ARHGAP32: variants seen among roughly 807,000 people sequenced by gnomAD.
ARHGAP32 encodes the protein rho GTPase-activating protein 32.
Under a neutral mutation model 186.5 loss-of-function variants are expected in ARHGAP32, and 51 were observed. That is an observed-to-expected ratio of 0.27 (90% CI 0.22 to 0.35). The LOEUF is 0.35. Among genes scored for constraint, ARHGAP32 ranks in the 10% least tolerant of loss-of-function variants. The pLI, the probability that ARHGAP32 is intolerant of heterozygous loss-of-function variation, is 1.00. For synonymous variants in ARHGAP32, 950 were observed against 964.3 expected, an observed-to-expected ratio of 0.99 and a Z score of 0.27; for missense variants, 2,186 against 2,623.5, an observed-to-expected ratio of 0.83 and a Z score of 3.64.
chr11:128,973,746 C>G, intron 21 of ARHGAP32: 1 of 527,040 alleles, frequency 1.9e-6, no homozygotes. Context: ...TGCTTGTAGA[C>G]TGTTATTATG....
chr11:128,999,870 A>G (rs1171090150), intron 11 of ARHGAP32, among the ~76,000 whole-genome samples: 1 of 152,232 alleles, frequency 6.6e-6, no homozygotes, highest in Non-Finnish European at 1.5e-5. Context: ...TTACAGGATT[A>G]TAAGAGGAAC....
chr11:129,238,270 T>C (rs1165764116), intron 1 of ARHGAP32, among the ~76,000 whole-genome samples: 1 of 152,170 alleles, frequency 6.6e-6, no homozygotes, highest in African/African-American at 2.4e-5. Flanking sequence ...CTTCTAACTC[T>C]TATACCCTCC....
intron 2 of ARHGAP32, among the ~76,000 whole-genome samples, chr11:129,132,403 C>A (rs997177147): frequency 6.6e-6 from 1 of 151,746 alleles, no homozygotes; most frequent in Non-Finnish European, 1.5e-5. Context: ...TTGCTTGAGC[C>A]TAAGGTTAAG....
At chr11:129,242,698 A>G (rs566227123) in intron 1 of ARHGAP32, among the ~76,000 whole-genome samples, 33 of 151,510 alleles carry the variant, frequency 2.2e-4, no homozygotes, top group South Asian at 8.3e-4. Flanking sequence ...AGCCTGGGTG[A>G]CAGAGCGAGA....
At chr11:129,134,129 C>T (rs1942882759) in intron 2 of ARHGAP32, among the ~76,000 whole-genome samples, 1 of 151,338 alleles carries the variant, frequency 6.6e-6, no homozygotes, top group Admixed American at 6.6e-5. Context: ...ACAGATCATC[C>T]CAAGACTGTA....
chr11:129,224,985 C>T (rs1274565256), intron 1 of ARHGAP32, among the ~76,000 whole-genome samples: 2 of 151,912 alleles, frequency 1.3e-5, no homozygotes, highest in African/African-American at 4.8e-5. Flanking sequence ...ATGGTGCATA[C>T]GTGTAGTCCC....
intron 1 of ARHGAP32, among the ~76,000 whole-genome samples, chr11:129,211,923 G>T (rs1374442176): frequency 6.6e-6 from 1 of 152,180 alleles, no homozygotes; most frequent in Non-Finnish European, 1.5e-5. Flanking sequence ...GGGAGGATGA[G>T]GTGGGAAGAT....
At chr11:128,998,553 C>G (rs1388927377) in intron 11 of ARHGAP32, 85 bp from the exon 12 acceptor site, 7 of 1,000,362 alleles carry the variant, frequency 7.0e-6, no homozygotes, top group East Asian at 2.7e-5. Context: ...TCTCAAGAGG[C>G]TGACAGCAAA....
intron 2 of ARHGAP32, among the ~76,000 whole-genome samples, chr11:129,160,601 G>T (rs1943509071): frequency 6.6e-6 from 1 of 151,914 alleles, no homozygotes; most frequent in African/African-American, 2.4e-5. Context: ...TACTTACAAG[G>T]GATATGAAGG....
intron 1 of ARHGAP32, among the ~76,000 whole-genome samples, chr11:129,208,431 G>C (rs10893993): frequency 0.19 from 29,589 of 152,008 alleles, 3,071 homozygotes; most frequent in Non-Finnish European, 0.23. Context: ...AGGAGAACTA[G>C]ATCTCCTCCC....
chr11:129,239,428 A>C (rs1431262473), intron 1 of ARHGAP32, among the ~76,000 whole-genome samples: 1 of 152,114 alleles, frequency 6.6e-6, no homozygotes, highest in Non-Finnish European at 1.5e-5. Flanking sequence ...AGATGACCAA[A>C]ATTACCCAGA....
In ARHGAP32 at chr11:128,968,392, T is replaced by G. The variant is rs1006363229; in HGVS notation, c.*515A>C. On this transcript the variant is annotated 3_prime_UTR_variant, in exon 23 of 23. Coordinates refer to ENST00000682385, the MANE Select transcript of ARHGAP32 (RefSeq NM_001378024.1). ...TCAGGGATTTTTCCACGACTCTAAC[T>G]GAACACAAGATCCTTCTCAGACGGG... 1 of 152,258 alleles carries G rather than the reference T, an allele frequency of 6.6e-6. No individual in the cohort carries two copies. The highest frequency in any genetic ancestry group is 6.5e-5 in the Admixed American group (1 of 15,290). 9.4% of individuals were successfully genotyped at this position (152,258 alleles called of 1,614,324 possible).
intron 10 of ARHGAP32, among the ~76,000 whole-genome samples, chr11:129,042,040 G>A (rs1227086733): frequency 1.3e-5 from 2 of 152,158 alleles, no homozygotes; most frequent in African/African-American, 4.8e-5. Context: ...ATACTCATTT[G>A]CTACATTCTT....
intron 2 of ARHGAP32, among the ~76,000 whole-genome samples, chr11:129,133,888 T>C (rs1049002372): frequency 6.6e-6 from 1 of 152,200 alleles, no homozygotes; most frequent in East Asian, 1.9e-4. Flanking sequence ...TCCACTTACA[T>C]GCTTTAAAAT....
intron 1 of ARHGAP32, among the ~76,000 whole-genome samples, chr11:129,183,898 G>A (rs759634740): frequency 1.4e-4 from 21 of 152,072 alleles, no homozygotes; most frequent in Non-Finnish European, 2.8e-4. Flanking sequence ...ATGTGAGGAA[G>A]CAAATCTCTC....
At chr11:129,264,709 T>C (rs570390164) in intron 1 of ARHGAP32, among the ~76,000 whole-genome samples, 1 of 152,126 alleles carries the variant, frequency 6.6e-6, no homozygotes, top group South Asian at 2.1e-4. Context: ...CTGAAACAAG[T>C]TTAAGGAGGT....
intron 1 of ARHGAP32, among the ~76,000 whole-genome samples, chr11:129,169,813 A>G (rs900511491): frequency 6.6e-6 from 1 of 152,132 alleles, no homozygotes; most frequent in African/African-American, 2.4e-5. Context: ...TCTGTAAGGA[A>G]ACTCCAAGCC....
At position 128,986,506 on chromosome 11, in the gene ARHGAP32, A is replaced by G. The variant is rs765792218; in HGVS notation, c.1443+18T>C. ...AAAGTTCCACAAAGAATTAGATTCAAAAGTAGCCTGTACTCACAGAAAATT... is the reference window on the plus strand; with the variant it reads ...AAAGTTCCACAAAGAATTAGATTCAGAAGTAGCCTGTACTCACAGAAAATT... On this transcript the variant is annotated intron_variant, in intron 14 of 22. Transcript: ENST00000682385. 4.2e-5 allele frequency: 68 copies of G among 1,613,274 alleles called. No homozygotes were observed. The highest frequency in any genetic ancestry group is 5.5e-5 in the Non-Finnish European group (65 of 1,179,566).
chr11:129,168,181 G>C (rs1372913446), intron 1 of ARHGAP32, among the ~76,000 whole-genome samples: 1 of 152,190 alleles, frequency 6.6e-6, no homozygotes, highest in African/African-American at 2.4e-5. Flanking sequence ...AGGATGTCGA[G>C]GCTGCAGTGA....
Sources: gnomAD v4.1 joint callset for allele counts (sites outside exome capture counted in the v4.1 genomes callset) on GRCh38, gnomAD v4.1.1 for gene constraint, MANE v1.5 for transcripts, NCBI Gene and HGNC (gene_info 2026-07-23, HGNC 2026-07-21) for gene names.